PAM: variants seen among roughly 807,000 people sequenced by gnomAD.
PAM encodes the protein peptidylglycine alpha-amidating monooxygenase.
Under a neutral mutation model 122.1 loss-of-function variants are expected in PAM, and 72 were observed. That is an observed-to-expected ratio of 0.59 (90% CI 0.49 to 0.72). The LOEUF (loss-of-function observed/expected upper bound fraction) is 0.72, where lower values mean the gene tolerates loss of function less well. PAM is among the 30% of genes least tolerant of loss of function. The pLI, the probability that PAM is intolerant of heterozygous loss-of-function variation, is 0.00. For missense variants in PAM, 1,106 were observed against 1,183.7 expected (o/e 0.93, Z 0.96); for synonymous variants, 389 against 404.4 (o/e 0.96, Z 0.46).
chr5:102,789,599 C>T (rs1323244707), intron 1 of PAM, among the ~76,000 whole-genome samples: 5 of 152,004 alleles, frequency 3.3e-5, no homozygotes, highest in Non-Finnish European at 7.4e-5. Flanking sequence ...AGATTCAAGA[C>T]AGAAGATAGA....
At chr5:102,890,672 A>C (rs1301119999) in intron 3 of PAM, among the ~76,000 whole-genome samples, 1 of 151,866 alleles carries the variant, frequency 6.6e-6, no homozygotes, top group Non-Finnish European at 1.5e-5. Flanking sequence ...GGATTTGTGC[A>C]TGTGTATTTG....
chr5:102,948,194 A>G (rs1273908143), intron 8 of PAM, among the ~76,000 whole-genome samples, 184 bp from the exon 9 acceptor site: 2 of 152,200 alleles, frequency 1.3e-5, no homozygotes, highest in Non-Finnish European at 2.9e-5. Context: ...CACAGGAACC[A>G]TTTAGAGTCT....
chr5:102,771,260 T>C (rs1193607312), intron 1 of PAM, among the ~76,000 whole-genome samples: 1 of 152,118 alleles, frequency 6.6e-6, no homozygotes, highest in African/African-American at 2.4e-5. Context: ...TTAGGGGTGG[T>C]TGGGAACTAT....
chr5:102,885,236 T>G (rs1792663504), intron 3 of PAM, among the ~76,000 whole-genome samples: 1 of 151,954 alleles, frequency 6.6e-6, no homozygotes, highest in Non-Finnish European at 1.5e-5. Context: ...CTTCACTATT[T>G]ATGGGAATAA....
At chr5:102,854,365 C>T (rs536541005) in intron 1 of PAM, among the ~76,000 whole-genome samples, 6 of 152,166 alleles carry the variant, frequency 3.9e-5, no homozygotes, top group South Asian at 2.1e-4. Flanking sequence ...ATACTGCCTG[C>T]GGGCCTCCTT....
intron 7 of PAM, among the ~76,000 whole-genome samples, chr5:102,939,709 T>C (rs1754467311): frequency 6.6e-6 from 1 of 152,106 alleles, no homozygotes; most frequent in African/African-American, 2.4e-5. Flanking sequence ...AAATCAAATG[T>C]ATGAGGTATA....
Position 103,007,605 on chromosome 5 carries a change from G to C in PAM, c.2163G>C (p.Glu721Asp). The C allele has an allele frequency of 6.2e-7, 1 of 1,613,456 alleles. No homozygotes were observed. Among genetic ancestry groups the C allele is most frequent in the Non-Finnish European group, 8.5e-7 (1 of 1,179,466 alleles). Residue 721 changes from glutamate to aspartate, a missense_variant, in exon 20 of 26, where the codon GAG becomes GAC. Glu to Asp is a conservative substitution (Grantham distance 45). Around this residue, in one of 3 missense-constraint regions of PAM, gnomAD observed 333 missense variants for 335.6 expected, o/e 0.99. Coordinates refer to ENST00000438793, the MANE Select transcript of PAM (RefSeq NM_001177306.2). ...CTGACACCAAAGAATTTGTGAGAGAGATTAAGCATTCATCATTTGGAAGAA... is the reference window on the plus strand; with the variant it reads ...CTGACACCAAAGAATTTGTGAGAGACATTAAGCATTCATCATTTGGAAGAA... The part of the protein sequence containing the change: ...FKTDTKEFVR[E>D]IKHSSFGRNV...
At chr5:102,932,141 G>A (rs1312428193) in intron 7 of PAM, among the ~76,000 whole-genome samples, 1 of 152,104 alleles carries the variant, frequency 6.6e-6, no homozygotes, top group Non-Finnish European at 1.5e-5. Context: ...GAATGCTAAG[G>A]TTTTAACCCT....
rs768064018 is a variant in PAM at position 102,845,431 on chromosome 5, A to G, written c.-373-20392A>G. Among the ~76,000 whole-genome samples the G allele has an allele frequency of 5.3e-5, 8 of 152,338 alleles. No individual in the cohort carries two copies. The South Asian group carries it at 1.4e-3, about 28-fold the overall frequency. On this transcript the variant is annotated intron_variant, in intron 1 of 25. Transcript: ENST00000438793. The stretch of plus-strand genomic sequence containing the variant: ...AATGTTAAAGTGATGCCGTGTGGTC[A>G]GTTGCTAGAATATCAGCTGTTTGCT...
rs771110817 is a variant in PAM at position 103,009,765 on chromosome 5, G to A, written c.2230G>A (p.Val744Met). ...TGCTGTTGCAGGCTTGCTCTTTGCA[G>A]TGAATGGGAAGCCTCATTTTGGGGA... Reference protein sequence around the residue: ...ISYIPGLLFAVNGKPHFGDQE... With the variant: ...ISYIPGLLFAMNGKPHFGDQE... The change falls in exon 21 of 26, where the codon GTG (valine) becomes ATG (methionine). Residue 744 changes from valine to methionine, a missense_variant. Transcript: ENST00000438793. The A allele has an allele frequency of 1.2e-6, 2 of 1,606,198 alleles. No homozygotes were observed. The highest frequency in any genetic ancestry group is 1.7e-6 in the Non-Finnish European group (2 of 1,172,956).
chr5:102,903,065 TTA>T (rs1798486241), intron 4 of PAM, among the ~76,000 whole-genome samples: 1 of 151,646 alleles, frequency 6.6e-6, no homozygotes, highest in African/African-American at 2.4e-5. Flanking sequence ...AAGGTCTATA[TTA>T]GAACCAGAGT....
At chr5:102,810,848 T>G (rs1316448515) in intron 1 of PAM, among the ~76,000 whole-genome samples, 1 of 151,498 alleles carries the variant, frequency 6.6e-6, no homozygotes, top group Admixed American at 6.6e-5. Context: ...AAAAAAAAAG[T>G]TAAATCAAAC....
rs1248380729 is a variant in PAM, at chr5:103,029,037, T to A, written c.2894T>A (p.Leu965Gln). Residue 965 changes from leucine (L) to glutamine (Q), a missense_variant, in exon 26 of 26, where the codon CTG becomes CAG. By Grantham distance (113) the Leu-to-Gln change is moderately radical. Around this residue, in one of 3 missense-constraint regions of PAM, gnomAD observed 333 missense variants for 335.6 expected, o/e 0.99. Transcript: ENST00000438793. Reference protein sequence around the residue: ...SESEEEYSAPLPALAPSSS With the variant: ...SESEEEYSAPQPALAPSSS ...TCAGAAGAGGAGTATTCAGCACCTC[T>A]GCCTGCGCTCGCACCTTCCTCCTCC... 6.2e-7 allele frequency: 1 copy of A among 1,611,860 alleles called. No homozygotes were observed. Among genetic ancestry groups the A allele is most frequent in the Non-Finnish European group, 8.5e-7 (1 of 1,179,360 alleles).
At chr5:102,882,561 G>T (rs1791640497) in intron 3 of PAM, among the ~76,000 whole-genome samples, 2 of 151,682 alleles carry the variant, frequency 1.3e-5, no homozygotes, top group South Asian at 4.1e-4. Flanking sequence ...GCCACTTTTT[G>T]ATGGGACTTT....
chr5:102,793,247 G>A lies in PAM; in HGVS notation c.-374+37899G>A, dbSNP rs558053390. ...GTTTAAGTTAAAGACTTGTAAATTG[G>A]GCTGGGTGCAGTGGCTCATGCCTGT... On this transcript the variant is annotated intron_variant, in intron 1 of 25. Coordinates refer to ENST00000438793, the MANE Select transcript of PAM (RefSeq NM_001177306.2). 2.0e-5 allele frequency among the ~76,000 whole-genome samples: 3 copies of A among 152,260 alleles called. No homozygotes were observed. In the East Asian group the frequency reaches 5.8e-4, roughly 29 times the overall value.
intron 5 of PAM, among the ~76,000 whole-genome samples, chr5:102,914,938 A>AT (rs1200459122): frequency 7.2e-5 from 11 of 152,116 alleles, no homozygotes; most frequent in Admixed American, 6.6e-4. Context: ...TGCCTGTCAT[A>AT]TGCCAGAGCT....
At chr5:102,920,024 A>G (rs1436488146) in intron 5 of PAM, among the ~76,000 whole-genome samples, 1 of 152,124 alleles carries the variant, frequency 6.6e-6, no homozygotes, top group African/African-American at 2.4e-5. Context: ...CAATATTATA[A>G]TGCAGCGTTG....
intron 3 of PAM, among the ~76,000 whole-genome samples, chr5:102,886,653 C>G (rs777006785): frequency 1.3e-5 from 2 of 151,988 alleles, no homozygotes; most frequent in Non-Finnish European, 2.9e-5. Context: ...TATATTGTCA[C>G]TAATTATAGT....
At chr5:102,760,582 G>T (rs1752020145) in intron 1 of PAM, among the ~76,000 whole-genome samples, 1 of 152,176 alleles carries the variant, frequency 6.6e-6, no homozygotes, top group African/African-American at 2.4e-5. Flanking sequence ...GCCATACAAG[G>T]CTAGTGGATA....
Sources: allele counts gnomAD v4.1 joint callset (sites outside exome capture counted in the v4.1 genomes callset), GRCh38; gene constraint gnomAD v4.1.1; regional missense constraint gnomAD v4.1.1; transcripts MANE v1.5; gene names NCBI Gene and HGNC (gene_info 2026-07-23, HGNC 2026-07-21).